Variants in METTL21A observed in about 807,000 individuals in gnomAD.
The protein encoded by METTL21A is methyltransferase 21A, HSPA lysine.
METTL21A carries 22 observed loss-of-function variants against 20.9 expected under a neutral mutation model. The ratio of observed to expected loss-of-function variants is 1.05; its 90% CI spans 0.75 to 1.50. The LOEUF is 1.50. METTL21A is among the 40% of genes most tolerant of loss of function. The pLI is 0.00. For synonymous variants in METTL21A, 93 were observed against 102.0 expected, an observed-to-expected ratio of 0.91 and a Z score of 0.53; for missense variants, 271 against 266.8, an observed-to-expected ratio of 1.02 and a Z score of -0.11.
At chr2:207,606,748 C>A (rs967395330), downstream of METTL21A, among the ~76,000 whole-genome samples, 3 of 152,250 alleles carry the variant, frequency 2.0e-5, no homozygotes, top group African/African-American at 7.2e-5. Context: ...AGTCCTATAT[C>A]TAGGGCCACT....
intron 3 of METTL21A, chr2:207,601,496 T>G (rs2087047934): frequency 1.0e-5 from 2 of 193,964 alleles, no homozygotes; most frequent in South Asian, 3.9e-4. Flanking sequence ...AAACCTTGTT[T>G]TATTCTTTTT....
downstream of METTL21A, among the ~76,000 whole-genome samples, chr2:207,608,680 C>A (rs771215382): frequency 2.6e-5 from 4 of 152,136 alleles, no homozygotes; most frequent in Admixed American, 1.3e-4. Context: ...GCCTGTAATC[C>A]CAGCACATTG....
At chr2:207,615,924 CCAAA>C (rs2107099814) in intron 3 of METTL21A, among the ~76,000 whole-genome samples, 1 of 150,274 alleles carries the variant, frequency 6.7e-6, no homozygotes, top group Admixed American at 6.6e-5. Context: ...TTTTTTTTTC[CCAAA>C]CATACAGAGA....
chr2:207,597,429 GACAGAATT>G, intron 3 of METTL21A: 1 of 244,412 alleles, frequency 4.1e-6, no homozygotes, highest in East Asian at 6.4e-5. Context: ...TTGCCTTAGG[GACAGAATT>G]ACCCCAGCCT....
At chr2:207,613,542 C>T in intron 3 of METTL21A, 99 bp from the exon 4 acceptor site, 2 of 1,102,766 alleles carry the variant, frequency 1.8e-6, no homozygotes, top group Non-Finnish European at 2.6e-6. Flanking sequence ...TTAAATATTG[C>T]ATCTGATATG....
intron 3 of METTL21A, among the ~76,000 whole-genome samples, chr2:207,595,162 A>G (rs1193568644): frequency 6.6e-6 from 1 of 150,894 alleles, no homozygotes; most frequent in Non-Finnish European, 1.5e-5. Context: ...TACCTGGCTA[A>G]TTTTTGTATT....
chr2:207,588,168 G>A (rs2084241547), intron 3 of METTL21A, among the ~76,000 whole-genome samples: 1 of 152,076 alleles, frequency 6.6e-6, no homozygotes, highest in Non-Finnish European at 1.5e-5. Flanking sequence ...TATGTTTTAT[G>A]TTAGAGTTTT....
intron 3 of METTL21A, among the ~76,000 whole-genome samples, chr2:207,582,340 T>C (rs2083076257): frequency 6.6e-6 from 1 of 152,246 alleles, no homozygotes; most frequent in Admixed American, 6.5e-5. Context: ...TACTATTTGC[T>C]ATTCTAATGG....
intron 3 of METTL21A, among the ~76,000 whole-genome samples, chr2:207,618,199 GA>G (rs2090023305): frequency 6.6e-6 from 1 of 152,160 alleles, no homozygotes; most frequent in African/African-American, 2.4e-5. Flanking sequence ...CAGATTCCCT[GA>G]CCCCATCCCA....
chr2:207,620,168 G>T (rs2090316204), intron 3 of METTL21A, among the ~76,000 whole-genome samples: 1 of 152,114 alleles, frequency 6.6e-6, no homozygotes, highest in African/African-American at 2.4e-5. Flanking sequence ...AACAGGCCAG[G>T]CACGGTGGCT....
At chr2:207,589,740 G>C (rs2084600843) in intron 3 of METTL21A, among the ~76,000 whole-genome samples, 1 of 152,132 alleles carries the variant, frequency 6.6e-6, no homozygotes, top group Non-Finnish European at 1.5e-5. Flanking sequence ...TATTTGGTCT[G>C]TTATTAGAGT....
At chr2:207,597,577 C>G (rs1559085352) in intron 3 of METTL21A, 1 of 209,706 alleles carries the variant, frequency 4.8e-6, no homozygotes, top group Non-Finnish European at 9.7e-6. Flanking sequence ...GAGACATACC[C>G]TCTAAAAAAG....
chr2:207,624,225 T>G lies in METTL21A; in HGVS notation c.147+4A>C, dbSNP rs200861902. 1.9e-6 allele frequency: 3 copies of G among 1,598,172 alleles called. No individual in the cohort carries two copies. Among genetic ancestry groups the G allele is most frequent in the African/African-American group, 1.4e-5 (1 of 73,994 alleles). On this transcript the variant is annotated splice_donor_region_variant and intron_variant, in intron 2 of 3. Coordinates refer to ENST00000406927, the Ensembl canonical transcript of METTL21A. Reference sequence around the variant, plus strand: ...TTTTCAGAGGTCCCCCAGGGCTTACTTACCGCATCCCAAACCACCGCTGCG... The same window carrying G: ...TTTTCAGAGGTCCCCCAGGGCTTACGTACCGCATCCCAAACCACCGCTGCG...
chr2:207,597,424 T>G, intron 3 of METTL21A: 1 of 246,238 alleles, frequency 4.1e-6, no homozygotes, highest in Non-Finnish European at 7.8e-6. Context: ...CTTGATTGCC[T>G]TAGGGACAGA....
chr2:207,589,489 A>T (rs1369722387), intron 3 of METTL21A, among the ~76,000 whole-genome samples: 2 of 152,196 alleles, frequency 1.3e-5, no homozygotes, highest in African/African-American at 4.8e-5. Flanking sequence ...TTCCATCTGC[A>T]ACCTAATTCC....
intron 3 of METTL21A, chr2:207,600,077 T>C (rs1230270128): frequency 5.3e-6 from 1 of 187,648 alleles, no homozygotes; most frequent in Non-Finnish European, 1.1e-5. Context: ...TAGAAAGGGC[T>C]AGATCCAATG....
chr2:207,597,642 A>C (rs1041504046), intron 3 of METTL21A: 11 of 207,070 alleles, frequency 5.3e-5, no homozygotes, highest in African/African-American at 1.8e-4. Context: ...CTTTTTATGT[A>C]TGTTGTCTTC....
chr2:207,621,956 A>C, intron 2 of METTL21A, 39 bp from the exon 3 acceptor site: 1 of 1,576,810 alleles, frequency 6.3e-7, no homozygotes, highest in African/African-American at 1.3e-5. Context: ...TAAGGTCAAC[A>C]TGTGCTTGAG....
At chr2:207,607,384 C>T (rs1430746498), downstream of METTL21A, among the ~76,000 whole-genome samples, 1 of 150,380 alleles carries the variant, frequency 6.6e-6, no homozygotes, top group East Asian at 1.9e-4. Context: ...AGCAAAATTC[C>T]ATCTCAAAAA....
Sources: allele counts gnomAD v4.1 joint callset (sites outside exome capture counted in the v4.1 genomes callset), GRCh38; gene constraint gnomAD v4.1.1; transcripts MANE v1.5; gene names NCBI Gene and HGNC (gene_info 2026-07-23, HGNC 2026-07-21).